The following ZBTB20 variants were observed in gnomAD, a reference collection of about 807,000 sequenced individuals.
ZBTB20 encodes the protein zinc finger and BTB domain containing 20.
Under a neutral mutation model 56.9 loss-of-function variants are expected in ZBTB20, and 9 were observed. That is an observed-to-expected ratio of 0.16 (90% CI 0.10 to 0.28). The LOEUF is 0.28. ZBTB20 is among the 10% of genes least tolerant of loss of function. The probability of loss-of-function intolerance (pLI) is 1.00; values close to 1 mark genes in which losing one functional copy is unlikely to be tolerated. For synonymous variants in ZBTB20, 417 were observed against 420.7 expected (o/e 0.99, Z 0.11); for missense variants, 655 against 1,003.0 (o/e 0.65, Z 4.69).
At chr3:114,787,472 C>A (rs1375343129) in intron 5 of ZBTB20, among the ~76,000 whole-genome samples, 1 of 148,200 alleles carries the variant, frequency 6.7e-6, no homozygotes, top group African/African-American at 2.5e-5. Context: ...CATATATATC[C>A]ATTTATATGA....
intron 4 of ZBTB20, among the ~76,000 whole-genome samples, chr3:114,894,258 G>A (rs2074769993): frequency 6.6e-6 from 1 of 151,940 alleles, no homozygotes; most frequent in Non-Finnish European, 1.5e-5. Context: ...TTCCTCACAG[G>A]GCTGTTGCAA....
intron 7 of ZBTB20, among the ~76,000 whole-genome samples, chr3:114,429,138 A>G (rs1227001961): frequency 6.6e-6 from 1 of 152,206 alleles, no homozygotes; most frequent in African/African-American, 2.4e-5. Context: ...TCATTTGTTC[A>G]GTGAACAAAC....
intron 6 of ZBTB20, among the ~76,000 whole-genome samples, chr3:114,645,009 G>A (rs540077030): frequency 6.3e-4 from 96 of 152,030 alleles, no homozygotes; most frequent in Non-Finnish European, 9.9e-4. Flanking sequence ...AGGACATACT[G>A]TAATAAATCA....
intron 3 of ZBTB20, among the ~76,000 whole-genome samples, chr3:114,925,590 G>A (rs972723738): frequency 4.6e-5 from 7 of 151,600 alleles, no homozygotes; most frequent in Non-Finnish European, 8.8e-5. Context: ...GCAGTGGCAC[G>A]ATCTTGGTTC....
At chr3:114,374,914 A>G (rs916699897) in intron 10 of ZBTB20, among the ~76,000 whole-genome samples, 1 of 152,218 alleles carries the variant, frequency 6.6e-6, no homozygotes, top group Non-Finnish European at 1.5e-5. Flanking sequence ...ACACTGAATC[A>G]GCTTTCCGAT....
At chr3:114,433,208 A>C (rs1186493333) in intron 7 of ZBTB20, among the ~76,000 whole-genome samples, 1 of 152,178 alleles carries the variant, frequency 6.6e-6, no homozygotes, top group Non-Finnish European at 1.5e-5. Context: ...AAAAGTCATG[A>C]CCACGTCTAA....
intron 6 of ZBTB20, among the ~76,000 whole-genome samples, chr3:114,622,242 G>A (rs2058370827): frequency 6.6e-6 from 1 of 151,742 alleles, no homozygotes; most frequent in African/African-American, 2.4e-5. Flanking sequence ...GGTCTTGGTG[G>A]TAATGGCCTA....
intron 3 of ZBTB20, among the ~76,000 whole-genome samples, chr3:114,940,980 T>C (rs2076703744): frequency 6.9e-6 from 1 of 145,874 alleles, no homozygotes; most frequent in Non-Finnish European, 1.5e-5. Flanking sequence ...ACCAGATTGA[T>C]CTCCTAAAAT....
At chr3:114,917,905 C>T (rs1329649587) in intron 3 of ZBTB20, among the ~76,000 whole-genome samples, 3 of 152,122 alleles carry the variant, frequency 2.0e-5, no homozygotes, top group Admixed American at 6.5e-5. Context: ...TCACTCAAGG[C>T]CCTGGGGTTC....
chr3:115,072,485 A>C (rs1275254796), intron 1 of ZBTB20, among the ~76,000 whole-genome samples: 2 of 152,302 alleles, frequency 1.3e-5, no homozygotes, highest in East Asian at 1.9e-4. Flanking sequence ...GAAGTGCTCC[A>C]AATAGAATTA....
chr3:114,672,061 T>A (rs891906329), intron 6 of ZBTB20, among the ~76,000 whole-genome samples: 4 of 152,076 alleles, frequency 2.6e-5, no homozygotes, highest in African/African-American at 9.7e-5. Flanking sequence ...TGTCTATAGT[T>A]TTTCCTATAA....
chr3:114,864,024 G>C (rs958316119), intron 4 of ZBTB20, among the ~76,000 whole-genome samples: 1 of 151,792 alleles, frequency 6.6e-6, no homozygotes, highest in Non-Finnish European at 1.5e-5. Flanking sequence ...AGGAAGAAAA[G>C]AAAAAAATGT....
chr3:114,735,738 C>T (rs536852282), intron 5 of ZBTB20, among the ~76,000 whole-genome samples: 3 of 152,210 alleles, frequency 2.0e-5, no homozygotes, highest in East Asian at 3.9e-4. Context: ...GTATAACTTA[C>T]AGATACATAC....
chr3:114,645,053 GCA>G (rs530314922), intron 6 of ZBTB20, among the ~76,000 whole-genome samples: 2 of 151,524 alleles, frequency 1.3e-5, no homozygotes, highest in African/African-American at 4.8e-5. Context: ...ATAGTTTATT[GCA>G]CACACACACT....
At position 115,020,843 on chromosome 3, in the gene ZBTB20, T is replaced by C. The variant is rs539951596; in HGVS notation, c.-506-46427A>G. On this transcript the variant is annotated intron_variant, in intron 2 of 11. Coordinates refer to ENST00000675478, the MANE Select transcript of ZBTB20 (RefSeq NM_001348800.3). The stretch of plus-strand genomic sequence containing the variant: ...ACATTTTTGTTGGATTGACTCTACA[T>C]TGAATAGCTTTATTATAAATGAAAG... 4.0e-5 allele frequency among the ~76,000 whole-genome samples: 6 copies of C among 151,222 alleles called. 1 individual carries two copies. In the South Asian group the frequency reaches 1.2e-3, roughly 31 times the overall value.
intron 6 of ZBTB20, among the ~76,000 whole-genome samples, chr3:114,593,496 T>G (rs1321496633): frequency 6.6e-6 from 1 of 151,960 alleles, no homozygotes; most frequent in East Asian, 1.9e-4. Flanking sequence ...GCGATTCTCT[T>G]GCCTCAGCCT....
At chr3:115,018,437 T>C (rs1257266709) in intron 2 of ZBTB20, among the ~76,000 whole-genome samples, 1 of 151,522 alleles carries the variant, frequency 6.6e-6, no homozygotes, top group Non-Finnish European at 1.5e-5. Context: ...ATTTTTTAAA[T>C]ATGATTATTT....
At chr3:114,340,157 A>G (rs1249310998) in intron 11 of ZBTB20, among the ~76,000 whole-genome samples, 2 of 151,904 alleles carry the variant, frequency 1.3e-5, no homozygotes, top group Non-Finnish European at 2.9e-5. Context: ...CAACATGATG[A>G]TATCAGACTC....
chr3:114,374,325 G>A (rs1190356829), intron 10 of ZBTB20, among the ~76,000 whole-genome samples: 1 of 152,078 alleles, frequency 6.6e-6, no homozygotes, highest in Non-Finnish European at 1.5e-5. Flanking sequence ...GAACACTGGG[G>A]GCAACGAGAG....
Sources: gnomAD v4.1 joint callset for allele counts (sites outside exome capture counted in the v4.1 genomes callset) on GRCh38, gnomAD v4.1.1 for gene constraint, MANE v1.5 for transcripts, NCBI Gene and HGNC (gene_info 2026-07-23, HGNC 2026-07-21) for gene names.